CRACR2A: variants seen among roughly 807,000 people sequenced by gnomAD.
The protein encoded by CRACR2A is calcium release activated channel regulator 2A, also known as EF-hand calcium-binding domain-containing protein 4B.
CRACR2A carries 79 observed loss-of-function variants against 90.5 expected under a neutral mutation model. The ratio of observed to expected loss-of-function variants is 0.87; its 90% CI spans 0.73 to 1.05. The LOEUF (loss-of-function observed/expected upper bound fraction) is 1.05. Among genes scored for constraint, CRACR2A ranks in the 50% least tolerant of loss-of-function variants. CRACR2A has a pLI of 0.00. For synonymous variants in CRACR2A, 338 were observed against 356.7 expected (o/e 0.95, Z 0.59); for missense variants, 823 against 897.2 (o/e 0.92, Z 1.06).
At chr12:3,735,284 G>A (rs1018799713) in intron 1 of CRACR2A, among the ~76,000 whole-genome samples, 1 of 152,302 alleles carries the variant, frequency 6.6e-6, no homozygotes. Flanking sequence ...GGTGAGTGCA[G>A]GGAGGCAAAT....
At chr12:3,668,145 T>A (rs1945180019) in intron 7 of CRACR2A, among the ~76,000 whole-genome samples, 1 of 152,200 alleles carries the variant, frequency 6.6e-6, no homozygotes. Flanking sequence ...ATGCTCAACA[T>A]AATAATATAC....
At chr12:3,671,881 T>C (rs923632176) in intron 7 of CRACR2A, among the ~76,000 whole-genome samples, 4 of 152,224 alleles carry the variant, frequency 2.6e-5, no homozygotes, top group Admixed American at 1.3e-4. Context: ...GTCCCTATCT[T>C]ACAGATAAGG....
intron 5 of CRACR2A, among the ~76,000 whole-genome samples, chr12:3,679,398 G>A (rs540250168): frequency 1.6e-4 from 25 of 152,160 alleles, no homozygotes; most frequent in African/African-American, 4.6e-4. Flanking sequence ...ACGCATCTCC[G>A]TTGATTTCTT....
chr12:3,640,562 C>T (rs1303384310), intron 13 of CRACR2A: 1 of 1,271,078 alleles, frequency 7.9e-7, no homozygotes, highest in Admixed American at 2.4e-5. Context: ...AGGCCAACCA[C>T]TATTGCAGAG....
intron 2 of CRACR2A, chr12:3,726,382 A>C (rs1946264847): frequency 1.3e-5 from 2 of 152,308 alleles, no homozygotes; most frequent in South Asian, 4.1e-4. Flanking sequence ...GTGCTCATGC[A>C]TGCCTGCACT....
intron 1 of CRACR2A, among the ~76,000 whole-genome samples, chr12:3,751,773 CGG>C (rs760305240): frequency 9.5e-6 from 1 of 105,608 alleles, no homozygotes; most frequent in Non-Finnish European, 2.1e-5. Context: ...GACAGGACCT[CGG>C]AAGCCGTACC....
chr12:3,641,971 T>G (rs946756741), intron 12 of CRACR2A, 133 bp from the exon 13 acceptor site: 1 of 743,070 alleles, frequency 1.3e-6, no homozygotes, highest in African/African-American at 1.8e-5. Context: ...TGTTCTGGTC[T>G]CCCTGTTAGC....
At chr12:3,716,729 T>G (rs1448518546) in intron 2 of CRACR2A, among the ~76,000 whole-genome samples, 1 of 152,178 alleles carries the variant, frequency 6.6e-6, no homozygotes, top group Non-Finnish European at 1.5e-5. Flanking sequence ...ATTTCACAAT[T>G]CTCCTGCCCA....
At chr12:3,742,913 G>A (rs1447191733) in intron 1 of CRACR2A, among the ~76,000 whole-genome samples, 1 of 152,156 alleles carries the variant, frequency 6.6e-6, no homozygotes, top group East Asian at 1.9e-4. Flanking sequence ...AGCTCTCTCT[G>A]CGCTTGTGTC....
At chr12:3,619,399 G>A in intron 17 of CRACR2A, 27 bp from the exon 18 acceptor site, 1 of 1,532,484 alleles carries the variant, frequency 6.5e-7, no homozygotes, top group East Asian at 2.4e-5. Flanking sequence ...GTTTTCAACT[G>A]AGAGGGGTGT....
Position 3,702,322 on chromosome 12 carries a change from G to T in CRACR2A, c.-36-5287C>A, listed in dbSNP as rs1034218634. Among the ~76,000 whole-genome samples, 18 of 152,070 alleles carry T rather than the reference G, an allele frequency of 1.2e-4. 1 individual carries two copies. Among genetic ancestry groups the T allele is most frequent in the Non-Finnish European group, 1.5e-5 (1 of 68,012 alleles). The stretch of plus-strand genomic sequence containing the variant: ...AGCTAGCTCAATGGAGCAAGAAAAA[G>T]AAATAAAATACATTCAGATTGGAAA... On this transcript the variant is annotated intron_variant, in intron 3 of 19. Transcript: ENST00000440314.
intron 3 of CRACR2A, among the ~76,000 whole-genome samples, chr12:3,709,527 C>T (rs1945978394): frequency 6.6e-6 from 1 of 152,250 alleles, no homozygotes; most frequent in South Asian, 2.1e-4. Flanking sequence ...CCTGTAATCC[C>T]AGCACTTTGG....
intron 6 of CRACR2A, among the ~76,000 whole-genome samples, chr12:3,676,019 C>T (rs944004334): frequency 6.6e-6 from 1 of 152,052 alleles, no homozygotes; most frequent in Non-Finnish European, 1.5e-5. Context: ...CACTTCATCC[C>T]TCTCTCCCTC....
In CRACR2A at chr12:3,681,850, T is replaced by G. The variant is rs945716144; in HGVS notation, c.229-1501A>C. On this transcript the variant is annotated intron_variant, in intron 4 of 19. Coordinates refer to ENST00000440314, the MANE Select transcript of CRACR2A (RefSeq NM_001144958.2). ...GGCAGGTACATGCATTAAGGGAGAC[T>G]ATGATGCATTATAAAGTGGGAAGAC... Among the ~76,000 whole-genome samples, 3 of 152,198 alleles carry G rather than the reference T, an allele frequency of 2.0e-5. 1 individual carries two copies. Among genetic ancestry groups the G allele is most frequent in the Admixed American group, 2.0e-4 (3 of 15,282 alleles).
At chr12:3,623,446 C>T (rs1471777129) in intron 17 of CRACR2A, among the ~76,000 whole-genome samples, 7 of 152,124 alleles carry the variant, frequency 4.6e-5, no homozygotes, top group Admixed American at 2.0e-4. Context: ...GCCAGCAATC[C>T]GGCTCTGGGG....
chr12:3,643,630 A>G (rs1358784460), intron 12 of CRACR2A, among the ~76,000 whole-genome samples: 1 of 150,320 alleles, frequency 6.7e-6, no homozygotes, highest in East Asian at 2.0e-4. Flanking sequence ...GTTTTGGCCA[A>G]TGTGGTCCAC....
intron 17 of CRACR2A, among the ~76,000 whole-genome samples, chr12:3,620,528 G>A (rs377136679): frequency 3.9e-4 from 60 of 152,238 alleles, no homozygotes; most frequent in East Asian, 9.6e-4. Context: ...CTGTGCATTC[G>A]TTTTTACTGC....
In CRACR2A at chr12:3,638,301, T is replaced by C; in HGVS notation, c.1425A>G (p.Glu475=). The C allele has an allele frequency of 6.4e-7, 1 of 1,551,650 alleles. No individual in the cohort carries two copies. Among genetic ancestry groups the C allele is most frequent in the Non-Finnish European group, 8.7e-7 (1 of 1,146,966 alleles). The change falls in exon 14 of 20, where the codon GAA becomes GAG. Residue 475 remains glutamate, a synonymous_variant. Transcript: ENST00000440314. The part of the protein sequence containing the change: ...PRPLRRIISV[E]EDPLPQLLDG... ...CCAGGAGCTGGGGCAGGGGGTCTTCTTCAACGGAGATGATTCTGCGGAGCG... is the reference window on the plus strand; with the variant it reads ...CCAGGAGCTGGGGCAGGGGGTCTTCCTCAACGGAGATGATTCTGCGGAGCG...
intron 3 of CRACR2A, among the ~76,000 whole-genome samples, chr12:3,710,567 G>A (rs909923218): frequency 6.6e-6 from 1 of 151,944 alleles, no homozygotes; most frequent in East Asian, 1.9e-4. Flanking sequence ...GACCAAGGTG[G>A]GTGGATCACA....
Sources: gnomAD v4.1 joint callset for allele counts (sites outside exome capture counted in the v4.1 genomes callset) on GRCh38, gnomAD v4.1.1 for gene constraint, MANE v1.5 for transcripts, NCBI Gene and HGNC (gene_info 2026-07-23, HGNC 2026-07-21) for gene names.